The following NRXN3 variants were observed in gnomAD, a reference collection of about 807,000 sequenced individuals.
NRXN3 encodes the protein neurexin III.
In NRXN3, 32 loss-of-function variants were observed where a neutral mutation model predicts 137.6. That is an observed-to-expected ratio of 0.23 (90% CI 0.18 to 0.31). The LOEUF (loss-of-function observed/expected upper bound fraction) is 0.31. NRXN3 is among the 10% of genes least tolerant of loss of function. The probability of loss-of-function intolerance (pLI) is 1.00; values close to 1 mark genes in which losing one functional copy is unlikely to be tolerated. For missense variants in NRXN3, 1,574 were observed against 2,062.5 expected (o/e 0.76, Z 4.59); for synonymous variants, 798 against 784.5 (o/e 1.02, Z -0.29).
chr14:79,237,980 A>T (rs534729377), intron 15 of NRXN3, among the ~76,000 whole-genome samples: 1 of 152,248 alleles, frequency 6.6e-6, no homozygotes, highest in South Asian at 2.1e-4. Flanking sequence ...TGCTAAAATG[A>T]TATGGTTTTT....
rs566592676 is a variant in NRXN3, at chr14:79,841,209, T to A, written c.4094-20133T>A. ...TTATGTAAAACTGATTTCCATTAAG[T>A]ATGAAAACACCTTGGTGGTATTGAT... On this transcript the variant is annotated intron_variant, in intron 20 of 20. Coordinates refer to ENST00000335750, the MANE Select transcript of NRXN3 (RefSeq NM_001330195.2). Among the ~76,000 whole-genome samples, 3 of 152,270 alleles carry A rather than the reference T, an allele frequency of 2.0e-5. No homozygotes were observed. The East Asian group carries it at 5.8e-4, about 29-fold the overall frequency.
chr14:79,018,887 A>C (rs1282029681), intron 15 of NRXN3, among the ~76,000 whole-genome samples: 2 of 152,212 alleles, frequency 1.3e-5, no homozygotes, highest in Non-Finnish European at 2.9e-5. Context: ...CCTGGCTTTC[A>C]GGAATTACAG....
intron 10 of NRXN3, among the ~76,000 whole-genome samples, chr14:78,811,252 T>C (rs1324332591): frequency 6.6e-6 from 1 of 152,212 alleles, no homozygotes; most frequent in African/African-American, 2.4e-5. Flanking sequence ...AGTCCAATGC[T>C]AATTGGTCAG....
At chr14:78,276,312 A>G (rs1211443911) in intron 2 of NRXN3, among the ~76,000 whole-genome samples, 1 of 152,166 alleles carries the variant, frequency 6.6e-6, no homozygotes, top group Admixed American at 6.5e-5. Context: ...TGGGGTGGGA[A>G]AGAACCAGAG....
chr14:78,981,873 T>C (rs1266326903), intron 14 of NRXN3, among the ~76,000 whole-genome samples: 3 of 152,182 alleles, frequency 2.0e-5, no homozygotes, highest in Admixed American at 2.0e-4. Flanking sequence ...TACATTGACA[T>C]AAAATAGGCT....
intron 4 of NRXN3, among the ~76,000 whole-genome samples, chr14:78,486,530 G>T (rs1599320093): frequency 6.6e-6 from 1 of 152,126 alleles, no homozygotes; most frequent in South Asian, 2.1e-4. Flanking sequence ...TCCGTGTATA[G>T]AAATTGATTT....
intron 15 of NRXN3, among the ~76,000 whole-genome samples, chr14:79,031,587 T>C (rs990592798): frequency 4.6e-5 from 7 of 152,132 alleles, no homozygotes; most frequent in Admixed American, 4.6e-4. Context: ...TTCTCATTTT[T>C]GGAAGAAAGT....
intron 4 of NRXN3, among the ~76,000 whole-genome samples, chr14:78,342,306 T>G (rs1326782130): frequency 6.6e-6 from 1 of 152,184 alleles, no homozygotes; most frequent in Admixed American, 6.5e-5. Context: ...ATACATGCCA[T>G]TCTGTTCTGT....
intron 15 of NRXN3, among the ~76,000 whole-genome samples, chr14:79,327,762 T>C (rs2091104771): frequency 6.6e-6 from 1 of 152,252 alleles, no homozygotes; most frequent in African/African-American, 2.4e-5. Context: ...TTAGATTATA[T>C]ATACTTGGAG....
chr14:79,284,213 T>TA (rs2081791908), intron 15 of NRXN3, among the ~76,000 whole-genome samples: 2 of 150,258 alleles, frequency 1.3e-5, no homozygotes, highest in Non-Finnish European at 3.0e-5. Context: ...AGAAATCCAA[T>TA]GTGTCTGGGC....
rs1163927053 is a variant in NRXN3, at chr14:79,129,452, G to C, written c.3262+141311G>C. ...CGTTATGTACCCAGTAGTCATTCAG[G>C]AGCAGATTGTTCAGTTTCCATGTAG... is the stretch of plus-strand genomic sequence containing the variant. On this transcript the variant is annotated intron_variant, in intron 15 of 20. Coordinates refer to ENST00000335750, the MANE Select transcript of NRXN3 (RefSeq NM_001330195.2). Among the ~76,000 whole-genome samples, 6 of 150,564 alleles carry C rather than the reference G, an allele frequency of 4.0e-5. No homozygotes were observed. The East Asian group carries it at 1.2e-3, about 29-fold the overall frequency.
chr14:78,813,193 T>C (rs1226755380), intron 10 of NRXN3, among the ~76,000 whole-genome samples: 1 of 152,240 alleles, frequency 6.6e-6, no homozygotes, highest in African/African-American at 2.4e-5. Flanking sequence ...CTCTATTTCA[T>C]CCCTGGTATT....
chr14:79,764,180 G>T (rs2099048602), intron 19 of NRXN3, among the ~76,000 whole-genome samples: 1 of 151,072 alleles, frequency 6.6e-6, no homozygotes, highest in East Asian at 2.0e-4. Context: ...GGGGTGTTAA[G>T]ATCTTATTCT....
intron 15 of NRXN3, among the ~76,000 whole-genome samples, chr14:79,152,337 C>G (rs921717691): frequency 1.3e-5 from 2 of 152,132 alleles, no homozygotes; most frequent in Admixed American, 1.3e-4. Flanking sequence ...AATTTGATAA[C>G]TAAATGAAAA....
At chr14:79,327,735 A>G (rs779048845) in intron 15 of NRXN3, among the ~76,000 whole-genome samples, 30 of 152,234 alleles carry the variant, frequency 2.0e-4, no homozygotes, top group Non-Finnish European at 3.7e-4. Context: ...TATTATATAA[A>G]TATATTTTGG....
At chr14:79,820,817 G>T (rs2099269697) in intron 20 of NRXN3, among the ~76,000 whole-genome samples, 1 of 152,080 alleles carries the variant, frequency 6.6e-6, no homozygotes, top group Non-Finnish European at 1.5e-5. Flanking sequence ...AAATATGAAA[G>T]ACTCATATAT....
intron 16 of NRXN3, among the ~76,000 whole-genome samples, chr14:79,642,056 G>A (rs2098436179): frequency 7.4e-6 from 1 of 135,062 alleles, no homozygotes; most frequent in African/African-American, 2.5e-5. Flanking sequence ...AGTATTTTCC[G>A]AAGTTTTGCC....
chr14:78,571,967 C>T (rs1566782068), intron 4 of NRXN3, among the ~76,000 whole-genome samples: 1 of 152,208 alleles, frequency 6.6e-6, no homozygotes, highest in East Asian at 1.9e-4. Flanking sequence ...CATATACTCA[C>T]TCCTTGTGGT....
intron 15 of NRXN3, among the ~76,000 whole-genome samples, chr14:79,445,134 G>A (rs2096039642): frequency 6.6e-6 from 1 of 152,090 alleles, no homozygotes; most frequent in South Asian, 2.1e-4. Context: ...GAGGTCAAGA[G>A]ATCAAGACCA....
Sources: allele counts gnomAD v4.1 joint callset (sites outside exome capture counted in the v4.1 genomes callset), GRCh38; gene constraint gnomAD v4.1.1; transcripts MANE v1.5; gene names NCBI Gene and HGNC (gene_info 2026-07-23, HGNC 2026-07-21).